Variants in ABCG8 observed in about 807,000 individuals in gnomAD.
ABCG8 encodes ATP binding cassette subfamily G member 8.
ABCG8 carries 81 observed loss-of-function variants against 71.3 expected under a neutral mutation model. The observed-to-expected ratio is 1.14, with a 90% CI of 0.95 to 1.37. ABCG8 has a LOEUF of 1.37. ABCG8 is among the 40% of genes most tolerant of loss of function. The pLI is 0.00. For missense variants in ABCG8, 1,119 were observed against 866.2 expected, an observed-to-expected ratio of 1.29 and a Z score of -3.66; for synonymous variants, 451 against 354.7, an observed-to-expected ratio of 1.27 and a Z score of -3.05.
intron 6 of ABCG8, among the ~76,000 whole-genome samples, chr2:43,870,725 A>G (rs1022396868): frequency 4.6e-5 from 7 of 152,014 alleles, no homozygotes; most frequent in Admixed American, 3.9e-4. Flanking sequence ...ATCTGTCTGG[A>G]AAGAATCCTC....
Position 43,875,198 on chromosome 2 carries a change from C to A in ABCG8, c.1541C>A (p.Pro514His). 1 of 1,614,242 alleles carries A rather than the reference C, an allele frequency of 6.2e-7. No homozygotes were observed. Among genetic ancestry groups the A allele is most frequent in the Middle Eastern group, 1.6e-4 (1 of 6,062 alleles). ...HCAYIIIYGM[P>H]TYWLANLRPG... ...GCCTACATCATCATCTACGGGATGCCCACCTACTGGCTGGCCAACCTGAGG... is the reference window on the plus strand; with the variant it reads ...GCCTACATCATCATCTACGGGATGCACACCTACTGGCTGGCCAACCTGAGG... The change falls in exon 11 of 13, where the codon CCC (proline) becomes CAC (histidine). Residue 514 changes from proline to histidine, a missense_variant. Pro to His is a moderately conservative substitution (Grantham distance 77). Transcript: ENST00000272286.
chr2:43,876,026 C>G (rs1347470029), intron 11 of ABCG8, among the ~76,000 whole-genome samples: 3 of 152,176 alleles, frequency 2.0e-5, no homozygotes, highest in African/African-American at 7.2e-5. Context: ...CTGATGCACC[C>G]AGGCAGGGCT....
At chr2:43,851,416 C>G (rs1668909518) in intron 3 of ABCG8, among the ~76,000 whole-genome samples, 168 bp from the exon 4 acceptor site, 1 of 152,270 alleles carries the variant, frequency 6.6e-6, no homozygotes, top group African/African-American at 2.4e-5. Context: ...GCTCCATGTC[C>G]TGGGCCCACC....
In ABCG8 at chr2:43,838,990, G is replaced by T; in HGVS notation, c.-64G>T. On this transcript the variant is annotated 5_prime_UTR_variant, in exon 1 of 13. Transcript: ENST00000272286. The surrounding 1 kb of genome is among the most constrained non-coding windows in gnomAD (Gnocchi z 4.2). ...TCCAGGAAACAGAGTGAAGACACTG[G>T]CCCTGGCAGGCAGCAGCTGGGTCTA... The T allele has an allele frequency of 1.3e-6, 2 of 1,498,064 alleles. No homozygotes were observed. Among genetic ancestry groups the T allele is most frequent in the South Asian group, 2.4e-5 (2 of 82,618 alleles). The allele number at this position is 1,498,064 out of a possible 1,614,324, so 92.8% of individuals were successfully genotyped here. A position where few individuals can be genotyped will look rare whatever the true frequency, so the allele number is the denominator to read the frequency against.
At chr2:43,854,111 A>G (rs72796755) in intron 6 of ABCG8, among the ~76,000 whole-genome samples, 8,220 of 152,320 alleles carry the variant, frequency 0.054, 271 homozygotes, top group Middle Eastern at 0.11. Context: ...GTCCACAGCA[A>G]ACCTGAAAAC....
intron 1 of ABCG8, among the ~76,000 whole-genome samples, chr2:43,840,729 G>A (rs369349381): frequency 5.9e-5 from 9 of 152,134 alleles, no homozygotes; most frequent in African/African-American, 2.2e-4. Context: ...GCGCTGGTAC[G>A]GGGGAGCCAC....
chr2:43,869,310 G>T (rs1397522894), intron 6 of ABCG8, among the ~76,000 whole-genome samples: 2 of 151,954 alleles, frequency 1.3e-5, no homozygotes, highest in Admixed American at 6.6e-5. Flanking sequence ...TCTCTGGAAA[G>T]AACTCTCACT....
At chr2:43,843,188 A>AGCTTTT (rs146200612) in intron 1 of ABCG8, among the ~76,000 whole-genome samples, 1,547 of 152,300 alleles carry the variant, frequency 0.01, 19 homozygotes, top group African/African-American at 0.035. Flanking sequence ...CCAAAATCTA[A>AGCTTTT]GCTTTTCAAC....
At chr2:43,846,437 G>C (rs1322644975) in intron 3 of ABCG8, 126 bp downstream of exon 3, 1 of 1,391,456 alleles carries the variant, frequency 7.2e-7, no homozygotes, top group Non-Finnish European at 1.0e-6. Flanking sequence ...GAATGGCTGA[G>C]AACACAGGTT....
intron 6 of ABCG8, 97 bp downstream of exon 6, chr2:43,852,965 C>A: frequency 6.7e-7 from 1 of 1,495,460 alleles, no homozygotes; most frequent in Non-Finnish European, 9.2e-7. Context: ...AGGGGAGAAA[C>A]TCCCAGAGGT....
At position 43,851,677 on chromosome 2, in the gene ABCG8, G is replaced by C; in HGVS notation, c.416G>C (p.Ser139Thr). ...SGQIWINGQP[S>T]SPQLVRKCVA... ...CAGATCTGGATCAATGGGCAGCCCA[G>C]CTCGCCTCAGCTGGTGAGGAAGTGT... The change falls in exon 4 of 13, where the codon AGC (serine) becomes ACC (threonine). Residue 139 changes from serine (S) to threonine (T), a missense_variant. Physicochemically the swap from Ser to Thr is moderately conservative, Grantham distance 58. Coordinates refer to ENST00000272286, the MANE Select transcript of ABCG8 (RefSeq NM_022437.3). The C allele has an allele frequency of 3.7e-6, 6 of 1,614,268 alleles. No individual in the cohort carries two copies. The highest frequency in any genetic ancestry group is 5.1e-6 in the Non-Finnish European group (6 of 1,180,054).
intron 6 of ABCG8, among the ~76,000 whole-genome samples, chr2:43,868,688 C>G (rs894406076): frequency 2.0e-5 from 3 of 152,164 alleles, no homozygotes; most frequent in Non-Finnish European, 4.4e-5. Context: ...ACTACTCTCG[C>G]TATCTGGATA....
intron 6 of ABCG8, among the ~76,000 whole-genome samples, chr2:43,869,169 C>A (rs1434555986): frequency 6.6e-6 from 1 of 152,042 alleles, no homozygotes; most frequent in African/African-American, 2.4e-5. Flanking sequence ...GGATAGAATT[C>A]TCACTGTGGG....
intron 2 of ABCG8, among the ~76,000 whole-genome samples, chr2:43,845,575 G>A (rs958727328): frequency 2.6e-5 from 4 of 152,112 alleles, no homozygotes; most frequent in South Asian, 2.1e-4. Context: ...ATTTTGCTTC[G>A]TGTTTTATTT....
chr2:43,865,145 A>T (rs1220671975), intron 6 of ABCG8, among the ~76,000 whole-genome samples: 1 of 150,456 alleles, frequency 6.6e-6, no homozygotes. Context: ...TCTGCATGGA[A>T]CTCTCACTAT....
Position 43,880,680 on chromosome 2 carries a change from A to C in ABCG8, c.*2767A>C, listed in dbSNP as rs1487568137. The C allele has an allele frequency of 6.6e-6, 1 of 152,146 alleles. No homozygotes were observed. The highest frequency in any genetic ancestry group is 2.4e-5 in the African/African-American group (1 of 41,392). 9.4% of individuals were successfully genotyped at this position (152,146 alleles called of 1,614,324 possible). ...TGTGTGTGTGCGCGCGCGCGCGCGC[A>C]TGTGCATACATATACACCTAAGTAC... On this transcript the variant is annotated 3_prime_UTR_variant, in exon 13 of 13. Coordinates refer to ENST00000272286, the MANE Select transcript of ABCG8 (RefSeq NM_022437.3).
chr2:43,857,328 C>T (rs13400725), intron 6 of ABCG8, among the ~76,000 whole-genome samples: 1,563 of 151,740 alleles, frequency 0.01, 31 homozygotes, highest in African/African-American at 0.036. Context: ...AGAATTCTTA[C>T]TCTCTGGATA....
intron 6 of ABCG8, among the ~76,000 whole-genome samples, chr2:43,855,325 G>C (rs372523390): frequency 6.6e-6 from 1 of 152,132 alleles, no homozygotes; most frequent in Non-Finnish European, 1.5e-5. Context: ...TCTCTGGATA[G>C]AACTCTCACT....
chr2:43,856,518 CTCTCACTTTCTGGATAGAAA>C (rs1270420255), intron 6 of ABCG8, among the ~76,000 whole-genome samples: 8 of 151,226 alleles, frequency 5.3e-5, no homozygotes, highest in Admixed American at 2.6e-4. Context: ...GGGAAGAGAA[CTCTCACTTTCTGGATAGAAA>C]TCTCACTTTC....
Sources: gnomAD v4.1 joint callset for allele counts (sites outside exome capture counted in the v4.1 genomes callset) on GRCh38, gnomAD v4.1.1 for gene constraint, Gnocchi (gnomAD v3.1) non-coding constraint, MANE v1.5 for transcripts, NCBI Gene and HGNC (gene_info 2026-07-23, HGNC 2026-07-21) for gene names.